SKAP1: variants seen among roughly 807,000 people sequenced by gnomAD.
The protein encoded by SKAP1 is src kinase associated phosphoprotein 1.
A neutral mutation model predicts 58.5 loss-of-function variants in SKAP1; 44 were observed. The ratio of observed to expected loss-of-function variants is 0.75; its 90% CI spans 0.59 to 0.97. The LOEUF (loss-of-function observed/expected upper bound fraction) is 0.97. Ranked by LOEUF, SKAP1 falls within the 50% of genes least tolerant of loss-of-function variation. The pLI is 0.00. For missense variants in SKAP1, 390 were observed against 435.2 expected, an observed-to-expected ratio of 0.90 and a Z score of 0.92; for synonymous variants, 127 against 149.7, an observed-to-expected ratio of 0.85 and a Z score of 1.11.
At chr17:48,331,300 AATATATAG>A (rs1213316387) in intron 4 of SKAP1, among the ~76,000 whole-genome samples, 1 of 152,208 alleles carries the variant, frequency 6.6e-6, no homozygotes, top group Non-Finnish European at 1.5e-5. Flanking sequence ...AATTTGGCAG[AATATATAG>A]ACACATTCTT....
intron 1 of SKAP1, among the ~76,000 whole-genome samples, chr17:48,398,960 G>T (rs987606498): frequency 6.6e-6 from 1 of 152,172 alleles, no homozygotes; most frequent in African/African-American, 2.4e-5. Flanking sequence ...GTTGGAGGTT[G>T]CAGTGAGCTG....
chr17:48,191,355 C>T (rs2064542593), intron 4 of SKAP1, among the ~76,000 whole-genome samples: 1 of 152,126 alleles, frequency 6.6e-6, no homozygotes, highest in Admixed American at 6.5e-5. Context: ...TCTTTTTAGT[C>T]CCAGAACTCA....
At chr17:48,274,790 C>A (rs2065678680) in intron 4 of SKAP1, among the ~76,000 whole-genome samples, 1 of 152,128 alleles carries the variant, frequency 6.6e-6, no homozygotes, top group Admixed American at 6.5e-5. Flanking sequence ...GATTTTCCTG[C>A]CTCAGCCTCC....
rs1247514948 is a variant in SKAP1 at position 48,259,724 on chromosome 17, C to T, written c.281-70224G>A. Reference sequence around the variant, plus strand: ...ACGAATGTTAGTAAAAATCCTATAACGTAGGTGTTTTTCTAGCAACTTCAC... The same window carrying T: ...ACGAATGTTAGTAAAAATCCTATAATGTAGGTGTTTTTCTAGCAACTTCAC... On this transcript the variant is annotated intron_variant, in intron 4 of 12. Transcript: ENST00000336915. 3.9e-5 allele frequency among the ~76,000 whole-genome samples: 6 copies of T among 152,224 alleles called. No individual in the cohort carries two copies. In the East Asian group the frequency reaches 9.6e-4, roughly 24 times the overall value.
chr17:48,137,014 T>C, intron 12 of SKAP1: 1 of 433,598 alleles, frequency 2.3e-6, no homozygotes, highest in Non-Finnish European at 4.2e-6. Flanking sequence ...TATGTTGCTA[T>C]TAGTTGAACC....
chr17:48,148,203 G>C (rs547551116), intron 11 of SKAP1, among the ~76,000 whole-genome samples: 2 of 152,288 alleles, frequency 1.3e-5, no homozygotes, highest in South Asian at 4.1e-4. Context: ...GGTGAAATGT[G>C]TGCAAAACAC....
chr17:48,418,090 C>A (rs1248308372), intron 1 of SKAP1, among the ~76,000 whole-genome samples: 2 of 152,170 alleles, frequency 1.3e-5, no homozygotes, highest in East Asian at 3.9e-4. Context: ...CAGTTTAAGA[C>A]CAGACTGGAC....
chr17:48,145,646 A>C (rs2063823457), intron 11 of SKAP1, among the ~76,000 whole-genome samples: 1 of 152,082 alleles, frequency 6.6e-6, no homozygotes, highest in Admixed American at 6.6e-5. Context: ...AGTAGGTGTC[A>C]GGGGATATTG....
intron 3 of SKAP1, among the ~76,000 whole-genome samples, chr17:48,362,238 C>A (rs1386267833): frequency 6.6e-6 from 1 of 152,244 alleles, no homozygotes; most frequent in Non-Finnish European, 1.5e-5. Context: ...GCAATGCCAG[C>A]ATTTCAAGAA....
At chr17:48,331,110 A>G (rs1456795034) in intron 4 of SKAP1, among the ~76,000 whole-genome samples, 5 of 152,306 alleles carry the variant, frequency 3.3e-5, no homozygotes, top group Non-Finnish European at 7.4e-5. Flanking sequence ...CTCCGTGCAC[A>G]TTCGTTTCCT....
chr17:48,398,284 T>C (rs145478014), intron 1 of SKAP1, among the ~76,000 whole-genome samples: 2 of 152,124 alleles, frequency 1.3e-5, no homozygotes, highest in African/African-American at 2.4e-5. Flanking sequence ...ACAAACCCTA[T>C]TGTGAACTGT....
chr17:48,153,851 C>G (rs2063935033), intron 11 of SKAP1, among the ~76,000 whole-genome samples: 1 of 141,382 alleles, frequency 7.1e-6, no homozygotes, highest in Admixed American at 7.3e-5. Context: ...TAAATGGACA[C>G]TAGATGTCAC....
intron 4 of SKAP1, among the ~76,000 whole-genome samples, chr17:48,261,158 T>G (rs1411501838): frequency 6.6e-6 from 1 of 152,146 alleles, no homozygotes; most frequent in African/African-American, 2.4e-5. Context: ...CCTTGACAAT[T>G]TTTGGAAAAT....
the SKAP1 span, among the ~76,000 whole-genome samples, chr17:48,438,617 A>G: frequency 6.6e-6 from 1 of 152,156 alleles, no homozygotes; most frequent in Non-Finnish European, 1.5e-5. Context: ...TCCCTGCCCT[A>G]TCTATTCTAG....
chr17:48,149,593 C>A (rs1036408258), intron 11 of SKAP1, among the ~76,000 whole-genome samples: 1 of 152,108 alleles, frequency 6.6e-6, no homozygotes. Flanking sequence ...TTCCTGGATC[C>A]CTCTAGGGGG....
At chr17:48,219,355 T>C (rs2064975615) in intron 4 of SKAP1, among the ~76,000 whole-genome samples, 1 of 152,220 alleles carries the variant, frequency 6.6e-6, no homozygotes, top group Admixed American at 6.5e-5. Flanking sequence ...AGAGGAATTA[T>C]CATCCACAAA....
chr17:48,161,366 A>C (rs2064065801), intron 11 of SKAP1, among the ~76,000 whole-genome samples: 1 of 152,254 alleles, frequency 6.6e-6, no homozygotes, highest in South Asian at 2.1e-4. Flanking sequence ...TATTTCAAAA[A>C]TGTGTTTGTA....
chr17:48,338,589 A>G (rs975537670), intron 4 of SKAP1, among the ~76,000 whole-genome samples: 20 of 152,094 alleles, frequency 1.3e-4, no homozygotes, highest in African/African-American at 4.6e-4. Context: ...ATTCGCAAGG[A>G]GTTTGTTTTA....
intron 3 of SKAP1, among the ~76,000 whole-genome samples, chr17:48,350,127 T>C (rs1269047019): frequency 1.3e-5 from 2 of 152,182 alleles, no homozygotes; most frequent in Admixed American, 1.3e-4. Context: ...AATTTGCAGA[T>C]ACTATTTTGA....
Sources: allele counts gnomAD v4.1 joint callset (sites outside exome capture counted in the v4.1 genomes callset), GRCh38; gene constraint gnomAD v4.1.1; transcripts MANE v1.5; gene names NCBI Gene and HGNC (gene_info 2026-07-23, HGNC 2026-07-21).